RNF217: variants seen among roughly 807,000 people sequenced by gnomAD.
The protein encoded by RNF217 is ring finger protein 217.
In RNF217, 31 loss-of-function variants were observed where a neutral mutation model predicts 57.8. The ratio of observed to expected loss-of-function variants is 0.54; its 90% CI spans 0.40 to 0.72. RNF217 has a LOEUF of 0.72. RNF217 is among the 30% of genes least tolerant of loss of function. The probability of loss-of-function intolerance (pLI) is 0.00; values close to 1 mark genes in which losing one functional copy is unlikely to be tolerated. For missense variants in RNF217, 696 were observed against 708.3 expected, an observed-to-expected ratio of 0.98 and a Z score of 0.20; for synonymous variants, 313 against 294.0, an observed-to-expected ratio of 1.06 and a Z score of -0.66.
chr6:125,061,549 T>G (rs1263338211), intron 3 of RNF217, among the ~76,000 whole-genome samples: 11 of 151,762 alleles, frequency 7.2e-5, no homozygotes, highest in African/African-American at 2.7e-4. Context: ...TTTAGATATT[T>G]AAACTCCACT....
At chr6:125,061,419 A>G (rs1787728304) in intron 3 of RNF217, among the ~76,000 whole-genome samples, 1 of 151,802 alleles carries the variant, frequency 6.6e-6, no homozygotes, top group African/African-American at 2.4e-5. Context: ...AACTGAATAT[A>G]AATTCATGTA....
chr6:125,003,287 G>GT (rs1483948069), intron 1 of RNF217, among the ~76,000 whole-genome samples: 1 of 152,174 alleles, frequency 6.6e-6, no homozygotes, highest in Non-Finnish European at 1.5e-5. Flanking sequence ...AGATAATGAA[G>GT]TAAGCATATC....
intron 1 of RNF217, among the ~76,000 whole-genome samples, chr6:124,980,762 T>C (rs1784134783): frequency 6.6e-6 from 1 of 152,180 alleles, no homozygotes; most frequent in Admixed American, 6.5e-5. Flanking sequence ...AATGACTGAG[T>C]TGCCCCTCCC....
chr6:125,003,865 C>T (rs1582696280), intron 1 of RNF217, among the ~76,000 whole-genome samples: 1 of 151,876 alleles, frequency 6.6e-6, no homozygotes. Flanking sequence ...TTGTTAGGTA[C>T]GTGGTTTTGA....
intron 1 of RNF217, among the ~76,000 whole-genome samples, chr6:125,007,838 C>A (rs943081741): frequency 6.6e-6 from 1 of 152,142 alleles, no homozygotes; most frequent in African/African-American, 2.4e-5. Flanking sequence ...ATGGATAGTA[C>A]TGAACACTAT....
At chr6:125,050,539 AATTTTCT>A (rs1787271975) in intron 2 of RNF217, among the ~76,000 whole-genome samples, 1 of 151,982 alleles carries the variant, frequency 6.6e-6, no homozygotes, top group Non-Finnish European at 1.5e-5. Context: ...GTGGTAAAAG[AATTTTCT>A]AAGGGCTTTA....
intron 1 of RNF217, among the ~76,000 whole-genome samples, chr6:125,015,830 A>G (rs1785580244): frequency 6.6e-6 from 1 of 152,154 alleles, no homozygotes; most frequent in African/African-American, 2.4e-5. Context: ...TAACATTTGG[A>G]AACAACTTCA....
At position 124,962,561 on chromosome 6, in the gene RNF217, G is replaced by C; in HGVS notation, c.17G>C (p.Ser6Thr). The change falls in exon 1 of 6, where the codon AGC becomes ACC. Residue 6 changes from serine (S) to threonine (T), a missense_variant. By Grantham distance (58) the Ser-to-Thr change is moderately conservative. This residue lies in a region of RNF217 where 465 missense variants were observed against 386.8 expected (regional missense o/e 1.20). Transcript: ENST00000521654. This position sits in a 1 kb window ranked among gnomAD's most constrained non-coding sequence, Gnocchi z 4.6. ...CGGGCGGCGATGGGCGAGGAGCAGAGCACGGTGAGCGGCGGCGGCGGGCCC... is the reference window on the plus strand; with the variant it reads ...CGGGCGGCGATGGGCGAGGAGCAGACCACGGTGAGCGGCGGCGGCGGGCCC... MGEEQ[S>T]TVSGGGGPQE... is the part of the protein sequence containing the mutation. The C allele has an allele frequency of 8.0e-7, 1 of 1,252,286 alleles. No individual in the cohort carries two copies. The highest frequency in any genetic ancestry group is 4.1e-5 in the Admixed American group (1 of 24,146). 77.6% of individuals were successfully genotyped at this position (1,252,286 alleles called of 1,614,324 possible).
intron 1 of RNF217, among the ~76,000 whole-genome samples, chr6:125,002,671 G>T (rs962679377): frequency 6.6e-6 from 1 of 151,982 alleles, no homozygotes; most frequent in Non-Finnish European, 1.5e-5. Flanking sequence ...GTCTTGCTAG[G>T]TCTCCCTCCT....
chr6:124,963,050 T>G lies in RNF217; in HGVS notation c.506T>G (p.Val169Gly). ...CAAGTCTTCTGCTCCGTGTACTGCG[T>G]GGAGAGCGACCTGCCCGAGGCCCCC... is the stretch of plus-strand genomic sequence containing the variant. ...KRQVFCSVYC[V>G]ESDLPEAPAS... The change falls in exon 1 of 6, where the codon GTG becomes GGG. Residue 169 changes from valine (V) to glycine (G), a missense_variant. By Grantham distance (109) the Val-to-Gly change is moderately radical. Transcript: ENST00000521654. 6.3e-7 allele frequency: 1 copy of G among 1,579,602 alleles called. No individual in the cohort carries two copies.
intron 1 of RNF217, among the ~76,000 whole-genome samples, chr6:124,996,891 A>G (rs1215702809): frequency 6.6e-6 from 1 of 152,162 alleles, no homozygotes; most frequent in Admixed American, 6.5e-5. Context: ...TTTGTAATGT[A>G]ATTTTGAAAG....
In RNF217 at chr6:125,084,144, A is replaced by G. The variant is rs987050555; in HGVS notation, c.*1207A>G. 6.6e-6 allele frequency: 1 copy of G among 151,998 alleles called. No homozygotes were observed. Among genetic ancestry groups the G allele is most frequent in the African/African-American group, 2.4e-5 (1 of 41,410 alleles). 9.4% of individuals were successfully genotyped at this position (151,998 alleles called of 1,614,324 possible). On this transcript the variant is annotated 3_prime_UTR_variant, in exon 6 of 6. Coordinates refer to ENST00000521654, the MANE Select transcript of RNF217 (RefSeq NM_001286398.3). ...TTCAAGGTTTTTCATAAAAACAAAT[A>G]CTAGTTTTGAAGGATTTTTTCTTAC...
At chr6:125,054,949 G>A (rs1243297782) in intron 2 of RNF217, among the ~76,000 whole-genome samples, 2 of 152,146 alleles carry the variant, frequency 1.3e-5, no homozygotes, top group African/African-American at 4.8e-5. Context: ...CACTCCATGT[G>A]GTGGGTATGT....
chr6:124,978,768 A>G (rs2115008082), intron 1 of RNF217, among the ~76,000 whole-genome samples: 1 of 152,298 alleles, frequency 6.6e-6, no homozygotes, highest in East Asian at 1.9e-4. Context: ...CAGCTTGGCA[A>G]GTCTGGGCTG....
chr6:125,043,250 CT>C (rs1163380686), intron 1 of RNF217, among the ~76,000 whole-genome samples: 1 of 152,026 alleles, frequency 6.6e-6, no homozygotes, highest in African/African-American at 2.4e-5. Context: ...TATGCTAGTG[CT>C]GTGTTCTCTT....
At chr6:125,041,982 C>T (rs1226069157) in intron 1 of RNF217, among the ~76,000 whole-genome samples, 4 of 151,648 alleles carry the variant, frequency 2.6e-5, no homozygotes, top group Non-Finnish European at 4.4e-5. Context: ...ACTTGGCTTT[C>T]GAGAAAATAA....
chr6:125,069,390 T>C (rs192931191), intron 3 of RNF217, among the ~76,000 whole-genome samples: 1 of 152,300 alleles, frequency 6.6e-6, no homozygotes, highest in Admixed American at 6.5e-5. Context: ...CACCTAGTCC[T>C]TGATATTTTC....
chr6:125,018,543 GA>G (rs1785698085), intron 1 of RNF217, among the ~76,000 whole-genome samples: 1 of 151,988 alleles, frequency 6.6e-6, no homozygotes, highest in Non-Finnish European at 1.5e-5. Context: ...GAGAGAAAAG[GA>G]AAAGCCAACA....
chr6:125,043,479 C>T (rs1786966528), intron 1 of RNF217, among the ~76,000 whole-genome samples: 1 of 151,968 alleles, frequency 6.6e-6, no homozygotes. Context: ...CATGTTCCTG[C>T]AAAGCTTCAG....
Sources: allele counts gnomAD v4.1 joint callset (sites outside exome capture counted in the v4.1 genomes callset), GRCh38; gene constraint gnomAD v4.1.1; regional missense constraint gnomAD v4.1.1; non-coding constraint Gnocchi (gnomAD v3.1); transcripts MANE v1.5; gene names NCBI Gene and HGNC (gene_info 2026-07-23, HGNC 2026-07-21).